SPRYD7: variants seen among roughly 807,000 people sequenced by gnomAD.
SPRYD7 encodes SPRY domain containing 7.
Under a neutral mutation model 23.8 loss-of-function variants are expected in SPRYD7, and 14 were observed. The ratio of observed to expected loss-of-function variants is 0.59; its 90% CI spans 0.39 to 0.92. The LOEUF (loss-of-function observed/expected upper bound fraction) is 0.92, where lower values mean the gene tolerates loss of function less well. Among genes scored for constraint, SPRYD7 ranks in the 40% least tolerant of loss-of-function variants. The pLI is 0.00. For synonymous variants in SPRYD7, 75 were observed against 84.9 expected (o/e 0.88, Z 0.64); for missense variants, 194 against 241.7 (o/e 0.80, Z 1.31).
chr13:49,924,140 G>A (rs933145303), intron 3 of SPRYD7, among the ~76,000 whole-genome samples: 5 of 151,962 alleles, frequency 3.3e-5, no homozygotes, highest in Non-Finnish European at 4.4e-5. Context: ...GCACCACTAC[G>A]CCTGGCTAAT....
intron 1 of SPRYD7, among the ~76,000 whole-genome samples, chr13:49,932,510 C>A (rs1871433757): frequency 6.6e-6 from 1 of 152,106 alleles, no homozygotes; most frequent in African/African-American, 2.4e-5. Flanking sequence ...ATACATAATT[C>A]TAACATGTAA....
chr13:49,921,490 GA>G lies in SPRYD7; in HGVS notation c.480del (p.Pro161GlnfsTer42). ...CPASGIRGTV[Y>X]PVVYVDDSAI... ...TATTTTTGCTTACCATAAACAACTG[GA>G]TACACTGTCCCTCGTATACCTGATG... On this transcript the variant is annotated frameshift_variant, in exon 4 of 5. Coordinates refer to ENST00000361840, the MANE Select transcript of SPRYD7 (RefSeq NM_020456.4). LOFTEE classifies it high-confidence loss of function. 6.2e-7 allele frequency: 1 copy of G among 1,609,456 alleles called. No homozygotes were observed. Among genetic ancestry groups the G allele is most frequent in the Non-Finnish European group, 8.5e-7 (1 of 1,176,034 alleles).
chr13:49,924,994 AAAT>A (rs201309392), intron 3 of SPRYD7, among the ~76,000 whole-genome samples: 33,817 of 135,426 alleles, frequency 0.25, 4,522 homozygotes, highest in East Asian at 0.57. Flanking sequence ...AAAAATAAAT[AAAT>A]AATAATAATA....
chr13:49,931,504 A>G (rs140718953), intron 1 of SPRYD7, among the ~76,000 whole-genome samples: 1 of 152,192 alleles, frequency 6.6e-6, no homozygotes, highest in African/African-American at 2.4e-5. Flanking sequence ...CAATCCAACA[A>G]TCAGGATTAA....
intron 3 of SPRYD7, among the ~76,000 whole-genome samples, chr13:49,926,516 AT>A (rs1213327976): frequency 1.3e-5 from 2 of 152,160 alleles, no homozygotes; most frequent in African/African-American, 4.8e-5. Context: ...GAAAAAGCAG[AT>A]TTTTTTAATG....
chr13:49,933,955 C>T (rs1220345383), intron 1 of SPRYD7, among the ~76,000 whole-genome samples: 23 of 151,740 alleles, frequency 1.5e-4, no homozygotes, highest in Admixed American at 1.5e-3. Context: ...TAGAAAATTC[C>T]AAAAGAGGAA....
At chr13:49,915,243 C>T (rs1337510083) in intron 4 of SPRYD7, 83 bp from the exon 5 acceptor site, 39 of 596,106 alleles carry the variant, frequency 6.5e-5, no homozygotes, top group Non-Finnish European at 3.2e-5. Context: ...ATAAAATAAA[C>T]TGTCTCCATA....
intron 2 of SPRYD7, among the ~76,000 whole-genome samples, chr13:49,928,661 A>T (rs1487409642): frequency 6.6e-6 from 1 of 152,212 alleles, no homozygotes; most frequent in Non-Finnish European, 1.5e-5. Flanking sequence ...TAATGAAAAG[A>T]TACAACAAGA....
chr13:49,926,743 A>C (rs1955886765), intron 3 of SPRYD7, among the ~76,000 whole-genome samples: 1 of 152,084 alleles, frequency 6.6e-6, no homozygotes, highest in South Asian at 2.1e-4. Context: ...TTATCTTTTC[A>C]TCTTATTAGA....
At chr13:49,927,646 T>A (rs1481860482) in intron 3 of SPRYD7, among the ~76,000 whole-genome samples, 2 of 152,172 alleles carry the variant, frequency 1.3e-5, no homozygotes, top group Non-Finnish European at 2.9e-5. Flanking sequence ...AACAGGAATG[T>A]GTGATCAGCA....
At chr13:49,922,845 A>C (rs184141935) in intron 3 of SPRYD7, among the ~76,000 whole-genome samples, 25 of 151,924 alleles carry the variant, frequency 1.6e-4, no homozygotes, top group African/African-American at 5.3e-4. Context: ...AGATCATCTT[A>C]GTCTTAAATT....
chr13:49,926,415 T>C (rs1955882630), intron 3 of SPRYD7, among the ~76,000 whole-genome samples: 1 of 152,230 alleles, frequency 6.6e-6, no homozygotes, highest in African/African-American at 2.4e-5. Context: ...AGATTCTCTT[T>C]CAAGAAATTA....
Position 49,914,484 on chromosome 13 carries a change from C to A in SPRYD7, c.*579G>T, listed in dbSNP as rs114742073. The A allele has an allele frequency of 6.6e-6, 1 of 152,368 alleles. No homozygotes were observed. The highest frequency in any genetic ancestry group is 2.1e-4 in the South Asian group (1 of 4,836). The allele number at this position is 152,368 out of a possible 1,614,324, so 9.4% of individuals were successfully genotyped here. ...CTCTGACAATTACTGAAACGTTTAT[C>A]TCCTTTCACAAAGCAAATCAAAAGC... is the stretch of plus-strand genomic sequence containing the variant. On this transcript the variant is annotated 3_prime_UTR_variant, in exon 5 of 5. Transcript: ENST00000361840.
intron 1 of SPRYD7, among the ~76,000 whole-genome samples, chr13:49,932,018 G>C (rs1871404887): frequency 6.6e-6 from 1 of 152,202 alleles, no homozygotes; most frequent in Non-Finnish European, 1.5e-5. Context: ...GGTAGAAATA[G>C]ACTAACTCTT....
intron 2 of SPRYD7, among the ~76,000 whole-genome samples, chr13:49,929,100 C>T (rs904998091): frequency 2.0e-5 from 3 of 152,158 alleles, no homozygotes; most frequent in East Asian, 3.9e-4. Flanking sequence ...TCTCCCAAAG[C>T]GCTGGAATTA....
intron 3 of SPRYD7, among the ~76,000 whole-genome samples, chr13:49,925,487 T>G (rs977269226): frequency 6.6e-6 from 1 of 152,008 alleles, no homozygotes; most frequent in East Asian, 1.9e-4. Flanking sequence ...CATGTTAGAA[T>G]GAAATTTGTA....
chr13:49,927,751 G>A (rs1185205232), intron 3 of SPRYD7, among the ~76,000 whole-genome samples, 168 bp downstream of exon 3: 6 of 151,686 alleles, frequency 4.0e-5, no homozygotes, highest in Non-Finnish European at 8.8e-5. Flanking sequence ...CAGTTGAGTA[G>A]GGTGCAACAT....
In SPRYD7 at chr13:49,921,511, C is replaced by CTG; in HGVS notation, c.458_459dup (p.Gly154GlnfsTer50). On this transcript the variant is annotated frameshift_variant, in exon 4 of 5. Transcript: ENST00000361840. LOFTEE classifies it high-confidence loss of function. The stretch of plus-strand genomic sequence containing the variant: ...ACTGGATACACTGTCCCTCGTATAC[C>CTG]TGATGCTGGACAATGCATGTTTTTT... 1 of 1,613,254 alleles carries CTG rather than the reference C, an allele frequency of 6.2e-7. No individual in the cohort carries two copies. The highest frequency in any genetic ancestry group is 8.5e-7 in the Non-Finnish European group (1 of 1,179,360).
At chr13:49,932,743 C>A (rs1215634106) in intron 1 of SPRYD7, among the ~76,000 whole-genome samples, 3 of 152,044 alleles carry the variant, frequency 2.0e-5, no homozygotes, top group Admixed American at 6.5e-5. Context: ...TTATTTGGTA[C>A]AAATACATAA....
Sources: gnomAD v4.1 joint callset for allele counts (sites outside exome capture counted in the v4.1 genomes callset) on GRCh38, gnomAD v4.1.1 for gene constraint, MANE v1.5 for transcripts, NCBI Gene and HGNC (gene_info 2026-07-23, HGNC 2026-07-21) for gene names.